The following TENM3 variants were observed in gnomAD, a reference collection of about 807,000 sequenced individuals.
TENM3 encodes teneurin-3.
In TENM3, 63 loss-of-function variants were observed where a neutral mutation model predicts 255.1. The ratio of observed to expected loss-of-function variants is 0.25; its 90% CI spans 0.20 to 0.30. TENM3 has a LOEUF of 0.30. TENM3 is among the 10% of genes least tolerant of loss of function. The pLI, the probability that TENM3 is intolerant of heterozygous loss-of-function variation, is 1.00. For synonymous variants in TENM3, 1,306 were observed against 1,322.3 expected, an observed-to-expected ratio of 0.99 and a Z score of 0.27; for missense variants, 2,929 against 3,461.1, an observed-to-expected ratio of 0.85 and a Z score of 3.86.
intron 5 of TENM3, among the ~76,000 whole-genome samples, chr4:182,641,170 A>G (rs193244817): frequency 3.0e-4 from 46 of 152,330 alleles, no homozygotes; most frequent in Admixed American, 7.8e-4. Context: ...TTCTGTTTCA[A>G]GTTTCCTCTT....
the TENM3 span, among the ~76,000 whole-genome samples, chr4:181,504,382 G>A: frequency 6.6e-6 from 1 of 152,160 alleles, no homozygotes; most frequent in East Asian, 1.9e-4. Flanking sequence ...CCCAAGAGCA[G>A]GCTCCTTCTA....
the TENM3 span, among the ~76,000 whole-genome samples, chr4:182,101,110 GGAAAGA>G: frequency 2.1e-4 from 10 of 46,736 alleles, no homozygotes; most frequent in South Asian, 8.4e-4. Context: ...GAGGGAGGAA[GGAAAGA>G]AGGAAGGAAA....
At chr4:182,683,765 A>G (rs1312929499) in intron 11 of TENM3, among the ~76,000 whole-genome samples, 3 of 152,196 alleles carry the variant, frequency 2.0e-5, no homozygotes, top group Non-Finnish European at 4.4e-5. Flanking sequence ...GTCAGAGAGC[A>G]TGAATTGTGA....
intron 4 of TENM3, among the ~76,000 whole-genome samples, chr4:182,610,036 A>G (rs79229303): frequency 0.012 from 1,851 of 152,330 alleles, 23 homozygotes; most frequent in Non-Finnish European, 0.021. Flanking sequence ...GTAGCTTTTT[A>G]CCTTTGCAGA....
At chr4:181,568,812 C>T in the TENM3 span, among the ~76,000 whole-genome samples, 25,563 of 152,028 alleles carry the variant, frequency 0.17, 2,618 homozygotes, top group African/African-American at 0.3. Flanking sequence ...AGAGCAGGCT[C>T]GTCACTCCTG....
chr4:182,503,699 A>G (rs1204469362), intron 3 of TENM3, among the ~76,000 whole-genome samples: 1 of 151,872 alleles, frequency 6.6e-6, no homozygotes, highest in Non-Finnish European at 1.5e-5. Context: ...AAATTTAGCC[A>G]ATGCACTTAA....
At chr4:182,140,397 G>A (rs539172517), upstream of TENM3, among the ~76,000 whole-genome samples, 35 of 152,090 alleles carry the variant, frequency 2.3e-4, no homozygotes, top group Non-Finnish European at 4.7e-4. Context: ...GGAAGGTCTC[G>A]GTACCTGAGA....
chr4:181,642,950 C>G, the TENM3 span, among the ~76,000 whole-genome samples: 1 of 152,094 alleles, frequency 6.6e-6, no homozygotes, highest in Non-Finnish European at 1.5e-5. Flanking sequence ...ATGCCTCCAG[C>G]TTTGTTCTTT....
the TENM3 span, among the ~76,000 whole-genome samples, chr4:181,563,000 G>A: frequency 2.4e-4 from 36 of 152,270 alleles, no homozygotes; most frequent in South Asian, 1.5e-3. Flanking sequence ...GGGGAGTTGC[G>A]TACGATACTT....
intron 5 of TENM3, among the ~76,000 whole-genome samples, chr4:182,649,842 C>T (rs1753094592): frequency 6.7e-6 from 1 of 150,244 alleles, no homozygotes; most frequent in Admixed American, 6.7e-5. Flanking sequence ...GTTATCGTAG[C>T]CTGTGGCCCC....
chr4:182,500,675 A>C (rs940020304), intron 3 of TENM3, among the ~76,000 whole-genome samples: 3 of 152,132 alleles, frequency 2.0e-5, no homozygotes, highest in Non-Finnish European at 4.4e-5. Flanking sequence ...AAGAGAGACA[A>C]ATGTATGGGG....
At chr4:182,362,496 G>A (rs1036810466) in intron 3 of TENM3, among the ~76,000 whole-genome samples, 5 of 152,088 alleles carry the variant, frequency 3.3e-5, no homozygotes, top group South Asian at 2.1e-4. Flanking sequence ...AGCAATCAGC[G>A]AGACTCCATG....
chr4:182,496,132 G>A (rs34684846), intron 3 of TENM3, among the ~76,000 whole-genome samples: 17,408 of 151,980 alleles, frequency 0.11, 1,281 homozygotes, highest in South Asian at 0.19. Flanking sequence ...GTATATGTCC[G>A]GACCCCTTTT....
the TENM3 span, among the ~76,000 whole-genome samples, chr4:181,574,778 G>A: frequency 6.6e-6 from 1 of 152,102 alleles, no homozygotes; most frequent in South Asian, 2.1e-4. Flanking sequence ...GCTAACTTAG[G>A]AATGATTTAG....
At chr4:182,315,134 G>A (rs1014254337) in intron 1 of TENM3, among the ~76,000 whole-genome samples, 8 of 152,052 alleles carry the variant, frequency 5.3e-5, no homozygotes, top group Non-Finnish European at 1.0e-4. Flanking sequence ...TACAGTACAC[G>A]GCTACGATGA....
chr4:182,186,906 G>T (rs1320720083), intron 1 of TENM3, among the ~76,000 whole-genome samples: 1 of 147,806 alleles, frequency 6.8e-6, no homozygotes, highest in East Asian at 2.0e-4. Flanking sequence ...GAGGTAGGAG[G>T]TATTGGCAGA....
intron 1 of TENM3, among the ~76,000 whole-genome samples, chr4:182,258,058 G>T (rs958683252): frequency 2.3e-4 from 35 of 151,936 alleles, no homozygotes; most frequent in African/African-American, 8.5e-4. Flanking sequence ...TTGTGTATGT[G>T]TGTATATATG....
the TENM3 span, among the ~76,000 whole-genome samples, chr4:181,548,976 T>C: frequency 6.6e-6 from 1 of 152,194 alleles, no homozygotes; most frequent in African/African-American, 2.4e-5. Context: ...TGGGTAATCC[T>C]GTCAGCCTGG....
At chr4:181,628,216 G>A in the TENM3 span, among the ~76,000 whole-genome samples, 3 of 151,960 alleles carry the variant, frequency 2.0e-5, no homozygotes, top group African/African-American at 7.3e-5. Flanking sequence ...TGAGTTCTTT[G>A]TAGATTCTGG....
Sources: allele counts gnomAD v4.1 joint callset (sites outside exome capture counted in the v4.1 genomes callset), GRCh38; gene constraint gnomAD v4.1.1; transcripts MANE v1.5; gene names NCBI Gene and HGNC (gene_info 2026-07-23, HGNC 2026-07-21).